CACNA1C: variants seen among roughly 807,000 people sequenced by gnomAD.
CACNA1C encodes the protein calcium voltage-gated channel subunit alpha1 C.
A neutral mutation model predicts 229.0 loss-of-function variants in CACNA1C; 30 were observed. The ratio of observed to expected loss-of-function variants is 0.13; its 90% CI spans 0.10 to 0.18. The LOEUF (loss-of-function observed/expected upper bound fraction) is 0.18, where lower values mean the gene tolerates loss of function less well. Ranked by LOEUF, CACNA1C falls within the 10% of genes least tolerant of loss-of-function variation. The probability of loss-of-function intolerance (pLI) is 1.00; values close to 1 mark genes in which losing one functional copy is unlikely to be tolerated. For synonymous variants in CACNA1C, 1,114 were observed against 1,132.5 expected, an observed-to-expected ratio of 0.98 and a Z score of 0.33; for missense variants, 1,658 against 2,845.0, an observed-to-expected ratio of 0.58 and a Z score of 9.49.
intron 3 of CACNA1C, among the ~76,000 whole-genome samples, chr12:2,436,245 C>G (rs2099133639): frequency 6.6e-6 from 1 of 152,186 alleles, no homozygotes; most frequent in South Asian, 2.1e-4. Context: ...AGTTCCTTGT[C>G]AGAAATTCAC....
At chr12:2,501,225 A>AAAAAAAAAAG in intron 7 of CACNA1C, among the ~76,000 whole-genome samples, 2 of 150,846 alleles carry the variant, frequency 1.3e-5, no homozygotes, top group Non-Finnish European at 3.0e-5. Context: ...AAAAAAAAAA[A>AAAAAAAAAAG]AAAAAAAAAG....
At position 2,440,583 on chromosome 12, in the gene CACNA1C, C is replaced by A. The variant is rs927607120; in HGVS notation, c.478-8393C>A. 3.3e-5 allele frequency among the ~76,000 whole-genome samples: 5 copies of A among 152,268 alleles called. No individual in the cohort carries two copies. In the South Asian group the frequency reaches 8.3e-4, roughly 25 times the overall value. On this transcript the variant is annotated intron_variant, in intron 3 of 46. Coordinates refer to ENST00000399655, the MANE Select transcript of CACNA1C (RefSeq NM_000719.7). ...TCAGTGTGGGAGGCCTGCTGCCCAC[C>A]CCTCCAGCCATACCTGGCAAGCAGG...
intron 3 of CACNA1C, among the ~76,000 whole-genome samples, chr12:2,369,403 C>T (rs1204415000): frequency 5.6e-5 from 8 of 142,050 alleles, no homozygotes; most frequent in African/African-American, 1.8e-4. Context: ...CTTTACATAC[C>T]TTTTTTTTTT....
At chr12:2,192,622 G>C (rs565044073) in intron 3 of CACNA1C, among the ~76,000 whole-genome samples, 3 of 152,314 alleles carry the variant, frequency 2.0e-5, no homozygotes, top group Admixed American at 2.0e-4. Context: ...TTTCCCTTAT[G>C]TGAAATGTGA....
intron 1 of CACNA1C, among the ~76,000 whole-genome samples, chr12:2,090,854 C>G (rs1478190115): frequency 3.9e-5 from 6 of 152,164 alleles, no homozygotes; most frequent in African/African-American, 1.4e-4. Context: ...TACTTTCCCG[C>G]CAACAGTGCT....
intron 3 of CACNA1C, among the ~76,000 whole-genome samples, chr12:2,423,001 A>G (rs2239065): frequency 0.43 from 66,070 of 152,010 alleles, 15,055 homozygotes; most frequent in Middle Eastern, 0.54. Flanking sequence ...TTTCAATTCC[A>G]TAATTCGAAT....
intron 1 of CACNA1C, among the ~76,000 whole-genome samples, chr12:2,006,403 A>G (rs1203783509): frequency 6.6e-6 from 1 of 152,308 alleles, no homozygotes; most frequent in Non-Finnish European, 1.5e-5. Flanking sequence ...GCGAGACTCC[A>G]TCTCAAAAAT....
chr12:2,289,438 G>T (rs1264852543), intron 3 of CACNA1C, among the ~76,000 whole-genome samples: 1 of 152,188 alleles, frequency 6.6e-6, no homozygotes, highest in Non-Finnish European at 1.5e-5. Context: ...CCATTTTCCT[G>T]TGGAAATCTA....
At chr12:2,661,229 T>A (rs2095703730) in intron 34 of CACNA1C, among the ~76,000 whole-genome samples, 1 of 150,752 alleles carries the variant, frequency 6.6e-6, no homozygotes. Flanking sequence ...TCCACTGCAC[T>A]CCAGCCTGGG....
intron 13 of CACNA1C, 138 bp downstream of exon 13, chr12:2,567,932 G>A: frequency 1.7e-6 from 1 of 594,304 alleles, no homozygotes; most frequent in Non-Finnish European, 3.0e-6. Flanking sequence ...ATGCAATGGG[G>A]GTAGTTTGTG....
At chr12:2,667,325 C>G (rs924995088) in intron 37 of CACNA1C, among the ~76,000 whole-genome samples, 2 of 152,172 alleles carry the variant, frequency 1.3e-5, no homozygotes, top group African/African-American at 4.8e-5. Flanking sequence ...CCATTCCGTG[C>G]TCCTTGTTGG....
rs576050851 is a variant in CACNA1C at position 2,574,873 on chromosome 12, T to C, written c.1896-6717T>C. Among the ~76,000 whole-genome samples the C allele has an allele frequency of 1.8e-4, 28 of 152,366 alleles. No individual in the cohort carries two copies. The South Asian group carries it at 5.8e-3, about 32-fold the overall frequency. ...GACTCCAGAGCCTGCAATGTGGCTG[T>C]CAACACAATGGGTGGTTCTCCTTTG... On this transcript the variant is annotated intron_variant, in intron 13 of 46. Coordinates refer to ENST00000399655, the MANE Select transcript of CACNA1C (RefSeq NM_000719.7).
At chr12:2,528,437 T>G (rs766248133) in intron 9 of CACNA1C, among the ~76,000 whole-genome samples, 5 of 152,200 alleles carry the variant, frequency 3.3e-5, no homozygotes, top group Non-Finnish European at 5.9e-5. Flanking sequence ...GGAATTGCAC[T>G]TTTCCTCCTG....
intron 1 of CACNA1C, among the ~76,000 whole-genome samples, chr12:2,106,381 C>T (rs1402908969): frequency 4.3e-4 from 21 of 49,164 alleles, no homozygotes; most frequent in East Asian, 1.5e-3. Context: ...GCGCCCACCC[C>T]GGGGAGGGTT....
At chr12:2,122,651 G>A (rs1053853478) in intron 3 of CACNA1C, among the ~76,000 whole-genome samples, 2 of 152,160 alleles carry the variant, frequency 1.3e-5, no homozygotes, top group East Asian at 1.9e-4. Flanking sequence ...CTACACGAAC[G>A]TTTACTAGGC....
In CACNA1C at chr12:2,694,377, A is replaced by T. The variant is rs182911711; in HGVS notation, c.*3178A>T. The T allele has an allele frequency of 7.9e-5, 12 of 152,390 alleles. No individual in the cohort carries two copies. The East Asian group carries it at 2.1e-3, about 27-fold the overall frequency. 9.4% of individuals were successfully genotyped at this position (152,390 alleles called of 1,614,324 possible). A position where few individuals can be genotyped will look rare whatever the true frequency, so the allele number is the denominator to read the frequency against. On this transcript the variant is annotated 3_prime_UTR_variant, in exon 47 of 47. Transcript: ENST00000399655. ...CCCCAAGTGTCAGGAGAAAACAGTC[A>T]GGGGCTAAGGGCCCAAGGGACTTGA...
chr12:2,663,184 C>T (rs2095854750), intron 34 of CACNA1C, among the ~76,000 whole-genome samples: 1 of 152,052 alleles, frequency 6.6e-6, no homozygotes, highest in African/African-American at 2.4e-5. Flanking sequence ...GTAAATAATA[C>T]CAGAGACAAC....
At chr12:2,091,838 G>A (rs777130485) in intron 1 of CACNA1C, among the ~76,000 whole-genome samples, 2 of 152,148 alleles carry the variant, frequency 1.3e-5, no homozygotes, top group African/African-American at 2.4e-5. Flanking sequence ...TTTACCCTGG[G>A]TTAGTAGGAA....
chr12:2,490,629 T>G (rs1346662248), intron 6 of CACNA1C, among the ~76,000 whole-genome samples: 1 of 152,218 alleles, frequency 6.6e-6, no homozygotes, highest in Non-Finnish European at 1.5e-5. Flanking sequence ...GCTCCCAAAT[T>G]TTTCGGTGCT....
Sources: allele counts gnomAD v4.1 joint callset (sites outside exome capture counted in the v4.1 genomes callset), GRCh38; gene constraint gnomAD v4.1.1; transcripts MANE v1.5; gene names NCBI Gene and HGNC (gene_info 2026-07-23, HGNC 2026-07-21).